ZFHX4: variants seen among roughly 807,000 people sequenced by gnomAD.
The protein encoded by ZFHX4 is zinc finger homeobox protein 4.
ZFHX4 carries 56 observed loss-of-function variants against 267.6 expected under a neutral mutation model. The observed-to-expected ratio is 0.21, with a 90% CI of 0.17 to 0.26. The LOEUF is 0.26. Among genes scored for constraint, ZFHX4 ranks in the 10% least tolerant of loss-of-function variants. The pLI is 1.00. For missense variants in ZFHX4, 4,332 were observed against 4,420.0 expected, an observed-to-expected ratio of 0.98 and a Z score of 0.56; for synonymous variants, 1,778 against 1,665.6, an observed-to-expected ratio of 1.07 and a Z score of -1.64.
Position 76,727,146 on chromosome 8 carries a change from G to A in ZFHX4, c.3093+19098G>A, listed in dbSNP as rs573866723. On this transcript the variant is annotated intron_variant, in intron 3 of 10. Transcript: ENST00000651372. ...TGGCCAGGTCAGCCTGTTCGTCTGC[G>A]TGCATCAACTGTGACATCTACTGAG... Among the ~76,000 whole-genome samples the A allele has an allele frequency of 3.9e-4, 59 of 152,198 alleles. 1 individual carries two copies. In the East Asian group the frequency reaches 9.7e-3, roughly 25 times the overall value.
intron 5 of ZFHX4, among the ~76,000 whole-genome samples, chr8:76,838,204 G>A (rs1812141955): frequency 6.6e-6 from 1 of 152,168 alleles, no homozygotes; most frequent in African/African-American, 2.4e-5. Context: ...GCTGGACCAG[G>A]AACATCGGGC....
intron 4 of ZFHX4, among the ~76,000 whole-genome samples, chr8:76,786,804 C>T (rs867812379): frequency 1.3e-5 from 2 of 152,078 alleles, no homozygotes; most frequent in Non-Finnish European, 2.9e-5. Flanking sequence ...ACCAGAAGCC[C>T]CTTGGCAAGA....
At chr8:76,686,019 G>C (rs1329977107) in intron 1 of ZFHX4, among the ~76,000 whole-genome samples, 7 of 152,150 alleles carry the variant, frequency 4.6e-5, no homozygotes, top group Non-Finnish European at 1.0e-4. Flanking sequence ...GCAGAAATTT[G>C]GAGAGAGGTC....
chr8:76,704,725 A>G lies in ZFHX4; in HGVS notation c.637A>G (p.Asn213Asp). 1 of 1,613,966 alleles carries G rather than the reference A, an allele frequency of 6.2e-7. No homozygotes were observed. Among genetic ancestry groups the G allele is most frequent in the South Asian group, 1.1e-5 (1 of 91,078 alleles). ...KPFTADQAFP[N>D]TSALAGVGPV... ...ATTTACAGCCGATCAGGCTTTCCCA[A>G]ATACCTCAGCATTAGCAGGAGTTGG... is the stretch of plus-strand genomic sequence containing the variant. Residue 213 changes from asparagine (N) to aspartate (D), a missense_variant, in exon 2 of 11, where the codon AAT becomes GAT. This residue lies in a region of ZFHX4 where 1,195 missense variants were observed against 1,173.6 expected (regional missense o/e 1.02). Transcript: ENST00000651372.
At chr8:76,710,977 G>A (rs1289030502) in intron 3 of ZFHX4, among the ~76,000 whole-genome samples, 1 of 152,042 alleles carries the variant, frequency 6.6e-6, no homozygotes, top group Admixed American at 6.6e-5. Context: ...AACATTAGAT[G>A]TATGCTAGTA....
chr8:76,850,114 C>T (rs1352254512), intron 8 of ZFHX4, 131 bp from the exon 9 acceptor site: 2 of 697,062 alleles, frequency 2.9e-6, no homozygotes, highest in African/African-American at 1.8e-5. Flanking sequence ...TGATCTGTAA[C>T]ATCTGCAAAA....
Position 76,864,413 on chromosome 8 carries a change from T to A in ZFHX4, c.10699T>A (p.Ser3567Thr). 6.2e-7 allele frequency: 1 copy of A among 1,613,702 alleles called. No homozygotes were observed. The change falls in exon 11 of 11, where the codon TCA becomes ACA. Residue 3567 changes from serine (S) to threonine (T), a missense_variant. By Grantham distance (58) the Ser-to-Thr change is moderately conservative. Coordinates refer to ENST00000651372, the MANE Select transcript of ZFHX4 (RefSeq NM_024721.5). Reference sequence around the variant, plus strand: ...GTGCAGCACCTCAGGGGTTCAAACCTCACTACCCACAGAAAGTTGTTCAGA... The same window carrying A: ...GTGCAGCACCTCAGGGGTTCAAACCACACTACCCACAGAAAGTTGTTCAGA... ...SLCSTSGVQTSLPTESCSDES... is the reference protein window; with the variant it reads ...SLCSTSGVQTTLPTESCSDES...
chr8:76,844,799 A>G (rs1365766970), intron 6 of ZFHX4, among the ~76,000 whole-genome samples: 1 of 152,140 alleles, frequency 6.6e-6, no homozygotes, highest in Non-Finnish European at 1.5e-5. Context: ...AAATGCAAAT[A>G]TTTATCTTTA....
chr8:76,842,304 G>A (rs748434034), intron 5 of ZFHX4, among the ~76,000 whole-genome samples: 1 of 152,030 alleles, frequency 6.6e-6, no homozygotes, highest in African/African-American at 2.4e-5. Flanking sequence ...CCAGTCTATG[G>A]AACAGTAGGT....
At chr8:76,708,492 A>G (rs1023832309) in intron 3 of ZFHX4, among the ~76,000 whole-genome samples, 6 of 152,098 alleles carry the variant, frequency 3.9e-5, no homozygotes, top group African/African-American at 1.4e-4. Context: ...CGCTCCAAAC[A>G]TAATGTTTGT....
intron 4 of ZFHX4, among the ~76,000 whole-genome samples, chr8:76,802,961 T>G (rs1319618888): frequency 6.6e-6 from 1 of 152,140 alleles, no homozygotes; most frequent in Non-Finnish European, 1.5e-5. Context: ...TAATGGTACT[T>G]ATTTAGACTT....
chr8:76,730,398 G>A (rs1585889421), intron 3 of ZFHX4, among the ~76,000 whole-genome samples: 2 of 152,078 alleles, frequency 1.3e-5, no homozygotes, highest in African/African-American at 4.8e-5. Flanking sequence ...CTTCAACAGT[G>A]TACTTTTAAA....
rs1810573193 is a variant in ZFHX4, at chr8:76,782,329, T to C, written c.3325+3890T>C. 3 of 215,990 alleles carry C rather than the reference T, an allele frequency of 1.4e-5. No individual in the cohort carries two copies. In the Admixed American group the frequency reaches 1.6e-4, roughly 11 times the overall value. The allele number at this position is 215,990 out of a possible 1,614,324, so 13.4% of individuals were successfully genotyped here. On this transcript the variant is annotated intron_variant, in intron 4 of 10. Transcript: ENST00000651372. ...CACAGCCACATGTGGACTCTACAAA[T>C]TGAAAATGTTATAAATGGGGCATCA...
intron 3 of ZFHX4, among the ~76,000 whole-genome samples, chr8:76,749,844 T>C (rs951431153): frequency 2.6e-5 from 4 of 152,186 alleles, no homozygotes; most frequent in Non-Finnish European, 5.9e-5. Flanking sequence ...ATTTTTGCAG[T>C]ATTTTAAGAT....
chr8:76,813,924 A>T (rs997521423), intron 4 of ZFHX4, among the ~76,000 whole-genome samples: 1 of 152,144 alleles, frequency 6.6e-6, no homozygotes, highest in African/African-American at 2.4e-5. Flanking sequence ...ATATTACAGA[A>T]AAAAATGCAA....
intron 3 of ZFHX4, among the ~76,000 whole-genome samples, chr8:76,714,991 T>G (rs1031369052): frequency 3.3e-5 from 5 of 152,196 alleles, no homozygotes; most frequent in Non-Finnish European, 7.3e-5. Context: ...CATCAGTAGA[T>G]GTAGTATAAT....
chr8:76,799,776 A>G (rs541503770), intron 4 of ZFHX4, among the ~76,000 whole-genome samples: 2 of 152,294 alleles, frequency 1.3e-5, no homozygotes, highest in South Asian at 2.1e-4. Flanking sequence ...AACACCACCT[A>G]GAAATGCTTC....
chr8:76,746,119 A>G (rs971644792), intron 3 of ZFHX4, among the ~76,000 whole-genome samples: 1 of 152,166 alleles, frequency 6.6e-6, no homozygotes, highest in Non-Finnish European at 1.5e-5. Flanking sequence ...TAAAAAGTAA[A>G]TTTTGGTCAG....
chr8:76,792,967 C>A (rs1810878038), intron 4 of ZFHX4, among the ~76,000 whole-genome samples: 1 of 152,138 alleles, frequency 6.6e-6, no homozygotes, highest in African/African-American at 2.4e-5. Context: ...TCTCTGGAAC[C>A]ACATTGCCGT....
Sources: allele counts gnomAD v4.1 joint callset (sites outside exome capture counted in the v4.1 genomes callset), GRCh38; gene constraint gnomAD v4.1.1; regional missense constraint gnomAD v4.1.1; transcripts MANE v1.5; gene names NCBI Gene and HGNC (gene_info 2026-07-23, HGNC 2026-07-21).